Variants in MICAL3 observed in about 807,000 individuals in gnomAD.
MICAL3 encodes the protein microtubule associated monooxygenase, calponin and LIM domain containing 3, also known as [F-actin]-monooxygenase MICAL3.
In MICAL3, 62 loss-of-function variants were observed where a neutral mutation model predicts 207.4. The ratio of observed to expected loss-of-function variants is 0.30; its 90% CI spans 0.24 to 0.37. The LOEUF is 0.37. Ranked by LOEUF, MICAL3 falls within the 10% of genes least tolerant of loss-of-function variation. The pLI, the probability that MICAL3 is intolerant of heterozygous loss-of-function variation, is 1.00. For missense variants in MICAL3, 2,368 were observed against 2,635.6 expected (o/e 0.90, Z 2.22); for synonymous variants, 1,077 against 1,069.3 (o/e 1.01, Z -0.14).
intron 22 of MICAL3, 126 bp from the exon 23 acceptor site, chr22:17,823,186 T>G: frequency 1.5e-6 from 1 of 678,930 alleles, no homozygotes. Flanking sequence ...AGAGGGGAGA[T>G]GCTGCCAGGC....
chr22:18,023,577 A>C (rs1924616208), intron 1 of MICAL3, among the ~76,000 whole-genome samples: 1 of 152,254 alleles, frequency 6.6e-6, no homozygotes, highest in Non-Finnish European at 1.5e-5. Flanking sequence ...AGTCATAACC[A>C]TTTGATTCTA....
intron 1 of MICAL3, among the ~76,000 whole-genome samples, chr22:17,921,620 C>G (rs903513867): frequency 1.3e-5 from 2 of 152,136 alleles, no homozygotes; most frequent in African/African-American, 4.8e-5. Context: ...TCCCTAGTAG[C>G]TGGGATTACA....
At chr22:17,821,537 A>G (rs112145724) in intron 24 of MICAL3, 28 bp from the exon 25 acceptor site, 1 of 1,520,642 alleles carries the variant, frequency 6.6e-7, no homozygotes, top group Non-Finnish European at 8.8e-7. Flanking sequence ...AGGGACTTAC[A>G]AGAGGAAGCC....
At chr22:17,927,908 G>C (rs897846409) in intron 1 of MICAL3, among the ~76,000 whole-genome samples, 2 of 152,078 alleles carry the variant, frequency 1.3e-5, no homozygotes, top group Non-Finnish European at 2.9e-5. Flanking sequence ...GACAGCAAGT[G>C]GCTCTGCGTC....
In MICAL3 at chr22:17,827,004, C is replaced by G. The variant is rs539336514; in HGVS notation, c.3193+640G>C. On this transcript the variant is annotated intron_variant, in intron 22 of 31. Transcript: ENST00000441493. ...ACAGAAGTGACAGCAGAGGTGACTC[C>G]GAGGGTGGGTATTTGGAAGACAGCA... is the stretch of plus-strand genomic sequence containing the variant. Among the ~76,000 whole-genome samples the G allele has an allele frequency of 2.0e-5, 3 of 152,274 alleles. No individual in the cohort carries two copies. The South Asian group carries it at 6.2e-4, about 32-fold the overall frequency.
rs1250332887 is a variant in MICAL3, at chr22:17,824,143, G to A, written c.3194-1083C>T. ...TGCACCAGCAGGAAGAGGGCGGCAC[G>A]CTCTGCTCTGAGGACACTGTGAGAC... is the stretch of plus-strand genomic sequence containing the variant. On this transcript the variant is annotated intron_variant, in intron 22 of 31. Coordinates refer to ENST00000441493, the MANE Select transcript of MICAL3 (RefSeq NM_015241.3). Among the ~76,000 whole-genome samples, 4 of 152,296 alleles carry A rather than the reference G, an allele frequency of 2.6e-5. No individual in the cohort carries two copies. In the East Asian group the frequency reaches 5.8e-4, roughly 22 times the overall value.
intron 1 of MICAL3, among the ~76,000 whole-genome samples, chr22:17,911,908 G>A (rs1428123018): frequency 1.1e-5 from 1 of 89,538 alleles, no homozygotes; most frequent in East Asian, 2.2e-4. Context: ...GACCCAAATC[G>A]CCAACATGCC....
rs1238206431 is a variant in MICAL3 at position 17,832,114 on chromosome 22, G to A, written c.2802-7C>T. The A allele has an allele frequency of 1.3e-6, 2 of 1,562,826 alleles. No individual in the cohort carries two copies. The highest frequency in any genetic ancestry group is 1.4e-5 in the African/African-American group (1 of 73,608). On this transcript the variant is annotated splice_region_variant and splice_polypyrimidine_tract_variant and intron_variant, in intron 20 of 31. Coordinates refer to ENST00000441493, the MANE Select transcript of MICAL3 (RefSeq NM_015241.3). ...CATCTCAGACTCGGAACTACTGTGA[G>A]GAAATAACCACATAGCCAGAGTGAG... is the stretch of plus-strand genomic sequence containing the variant.
intron 1 of MICAL3, chr22:18,007,222 T>C (rs956944616): frequency 1.3e-5 from 2 of 152,164 alleles, no homozygotes; most frequent in African/African-American, 2.4e-5. Context: ...GTACAAAAAA[T>C]AAAAATACCC....
In MICAL3 at chr22:17,902,709, A is replaced by G; in HGVS notation, c.511T>C (p.Leu171=). 6.2e-7 allele frequency: 1 copy of G among 1,605,100 alleles called. No homozygotes were observed. Among genetic ancestry groups the G allele is most frequent in the Non-Finnish European group, 8.5e-7 (1 of 1,175,144 alleles). ...QLQLILLKVA[L]ILGIEIHVNV... The stretch of plus-strand genomic sequence containing the variant: ...ACGTGGATTTCAATGCCTAGGATCA[A>G]GGCTACTTTCAAAAGTATTAGTTGG... The change falls in exon 4 of 32, where the codon TTG becomes CTG. Residue 171 remains leucine (L), a synonymous_variant. Coordinates refer to ENST00000441493, the MANE Select transcript of MICAL3 (RefSeq NM_015241.3). This position sits in a 1 kb window ranked among gnomAD's most constrained non-coding sequence, Gnocchi z 4.5.
intron 1 of MICAL3, among the ~76,000 whole-genome samples, chr22:17,997,467 T>G (rs556924222): frequency 9.2e-5 from 14 of 152,314 alleles, no homozygotes; most frequent in African/African-American, 3.4e-4. Context: ...AGATGAATGC[T>G]TCTAGCAAAG....
At chr22:17,910,416 C>T (rs905383447) in intron 1 of MICAL3, among the ~76,000 whole-genome samples, 2 of 152,218 alleles carry the variant, frequency 1.3e-5, no homozygotes, top group Non-Finnish European at 2.9e-5. Context: ...ATAACTGTCC[C>T]CAATCCTTCT....
At chr22:17,823,126 G>A (rs893825931) in intron 22 of MICAL3, 66 bp from the exon 23 acceptor site, 44 of 1,061,520 alleles carry the variant, frequency 4.1e-5, no homozygotes, top group Non-Finnish European at 5.5e-5. Context: ...GCATCTTCAC[G>A]GGGGCGAGAG....
intron 1 of MICAL3, among the ~76,000 whole-genome samples, chr22:18,011,997 G>A (rs1008239991): frequency 6.6e-6 from 1 of 151,976 alleles, no homozygotes; most frequent in Non-Finnish European, 1.5e-5. Flanking sequence ...CACTTTGAAA[G>A]GCCAAGGTGG....
At chr22:17,815,237 C>T in intron 27 of MICAL3, 1 of 152,466 alleles carries the variant, frequency 6.6e-6, no homozygotes, top group Non-Finnish European at 1.5e-5. Context: ...ATCTGCTGGG[C>T]CCTGGGGAGG....
At chr22:17,987,476 C>G (rs1167624552) in intron 1 of MICAL3, among the ~76,000 whole-genome samples, 1 of 152,238 alleles carries the variant, frequency 6.6e-6, no homozygotes, top group African/African-American at 2.4e-5. Flanking sequence ...TAGGCCTGCT[C>G]TCCCTCTAGG....
intron 1 of MICAL3, among the ~76,000 whole-genome samples, chr22:17,958,942 G>A (rs2146378951): frequency 6.6e-6 from 1 of 151,368 alleles, no homozygotes; most frequent in African/African-American, 2.4e-5. Flanking sequence ...CTGACCTCAG[G>A]TGATCTGCTC....
chr22:17,905,401 G>A (rs770004271), intron 2 of MICAL3, among the ~76,000 whole-genome samples: 32 of 152,138 alleles, frequency 2.1e-4, no homozygotes, highest in Non-Finnish European at 4.0e-4. Flanking sequence ...ACATGATCTC[G>A]AAAATCCACA....
chr22:17,989,090 GCT>G (rs1220020631), intron 1 of MICAL3, among the ~76,000 whole-genome samples: 2 of 152,102 alleles, frequency 1.3e-5, no homozygotes, highest in Non-Finnish European at 2.9e-5. Flanking sequence ...TTCCGCCGTC[GCT>G]CTGTGTTCAA....
Sources: allele counts gnomAD v4.1 joint callset (sites outside exome capture counted in the v4.1 genomes callset), GRCh38; gene constraint gnomAD v4.1.1; non-coding constraint Gnocchi (gnomAD v3.1); transcripts MANE v1.5; gene names NCBI Gene and HGNC (gene_info 2026-07-23, HGNC 2026-07-21).